The following EIF3M variants were observed in gnomAD, a reference collection of about 807,000 sequenced individuals.
EIF3M encodes eukaryotic translation initiation factor 3 subunit M.
In EIF3M, 25 loss-of-function variants were observed where a neutral mutation model predicts 49.7. The ratio of observed to expected loss-of-function variants is 0.50; its 90% CI spans 0.37 to 0.70. The LOEUF is 0.70. EIF3M is among the 30% of genes least tolerant of loss of function. The probability of loss-of-function intolerance (pLI) is 0.00; values close to 1 mark genes in which losing one functional copy is unlikely to be tolerated. For synonymous variants in EIF3M, 156 were observed against 149.8 expected, an observed-to-expected ratio of 1.04 and a Z score of -0.30; for missense variants, 350 against 440.0, an observed-to-expected ratio of 0.80 and a Z score of 1.83.
rs754977095 is a variant in EIF3M at position 32,595,974 on chromosome 11, C to T, written c.726C>T (p.Thr242=). The T allele has an allele frequency of 1.3e-6, 2 of 1,574,180 alleles. No homozygotes were observed. ...LEGELIHDLL[T]IFVSAKLASY... ...GTCTCTTATCTGTATAGCTTTTAAC[C>T]ATTTTTGTGAGTGCTAAATTGGCAT... The change falls in exon 8 of 11, where the codon ACC becomes ACT. Residue 242 remains threonine (T), a synonymous_variant. Transcript: ENST00000531120.
At chr11:32,591,578 T>A (rs1464280297) in intron 5 of EIF3M, among the ~76,000 whole-genome samples, 2 of 152,214 alleles carry the variant, frequency 1.3e-5, no homozygotes, top group Non-Finnish European at 2.9e-5. Flanking sequence ...AGTGCACTTT[T>A]TGCAACCTGT....
chr11:32,603,037 A>AATT lies in EIF3M; in HGVS notation c.*639_*641dup, dbSNP rs749687080. 9 of 1,559,448 alleles carry AATT rather than the reference A, an allele frequency of 5.8e-6. No homozygotes were observed. The Admixed American group carries it at 1.6e-4, about 28-fold the overall frequency. Reference sequence around the variant, plus strand: ...TGTTTTCACCTGGGAAAGATAAACTAATTTTACCTTCGAAATTATTATACA... The same window carrying AATT: ...TGTTTTCACCTGGGAAAGATAAACTAATTATTTTACCTTCGAAATTATTATACA... On this transcript the variant is annotated 3_prime_UTR_variant, in exon 11 of 11. Transcript: ENST00000531120.
intron 2 of EIF3M, among the ~76,000 whole-genome samples, chr11:32,588,282 G>C (rs987899651): frequency 1.3e-5 from 2 of 151,574 alleles, no homozygotes; most frequent in Admixed American, 1.3e-4. Flanking sequence ...CCAGCTACTT[G>C]GGAGGCTGAG....
intron 5 of EIF3M, 36 bp from the exon 6 acceptor site, chr11:32,593,830 A>G (rs571192054): frequency 2.7e-6 from 4 of 1,454,848 alleles, no homozygotes; most frequent in South Asian, 2.6e-5. Flanking sequence ...AATAGCAGTA[A>G]TGCTTTCAAG....
chr11:32,602,336 T>A lies in EIF3M; in HGVS notation c.1062T>A (p.Leu354=), dbSNP rs766272074. ...AGTGGCAACAACTGTATGACACACT[T>A]AATGCCTGGAAACAAAATCTGAACA... ...KQQWQQLYDT[L]NAWKQNLNKV... Residue 354 remains leucine (L), a synonymous_variant, in exon 11 of 11, where the codon CTT becomes CTA. Transcript: ENST00000531120. The A allele has an allele frequency of 1.4e-5, 23 of 1,612,656 alleles. No homozygotes were observed. Among genetic ancestry groups the A allele is most frequent in the Non-Finnish European group, 1.9e-5 (22 of 1,179,130 alleles).
chr11:32,591,807 A>G, intron 5 of EIF3M: 2 of 222,124 alleles, frequency 9.0e-6, no homozygotes, highest in Non-Finnish European at 1.9e-5. Flanking sequence ...GTGCTACCAT[A>G]TTTACCACCA....
rs959032477 is a variant in EIF3M, at chr11:32,604,398, A to G, written c.*1999A>G. 1 of 152,222 alleles carries G rather than the reference A, an allele frequency of 6.6e-6. No individual in the cohort carries two copies. Among genetic ancestry groups the G allele is most frequent in the East Asian group, 1.9e-4 (1 of 5,196 alleles). The allele number at this position is 152,222 out of a possible 1,614,324, so 9.4% of individuals were successfully genotyped here. A position where few individuals can be genotyped will look rare whatever the true frequency, so the allele number is the denominator to read the frequency against. On this transcript the variant is annotated 3_prime_UTR_variant, in exon 11 of 11. Transcript: ENST00000531120. The stretch of plus-strand genomic sequence containing the variant: ...AGTTCTAGGATTACAGGAGTGAGCC[A>G]TACTGTGTTGTGTTTTAGTTGAAAG...
At chr11:32,589,709 A>G in intron 5 of EIF3M, 68 bp downstream of exon 5, 1 of 1,424,968 alleles carries the variant, frequency 7.0e-7, no homozygotes, top group Admixed American at 1.8e-5. Context: ...TGTTTTTTAA[A>G]GAGAAGTAGG....
At chr11:32,601,500 T>TAA in intron 9 of EIF3M, 5 of 187,784 alleles carry the variant, frequency 2.7e-5, no homozygotes, top group East Asian at 1.3e-4. Context: ...CTAGCATTCT[T>TAA]TAAAAAAAAA....
intron 1 of EIF3M, among the ~76,000 whole-genome samples, chr11:32,584,559 G>C (rs1262896311): frequency 7.8e-6 from 1 of 128,206 alleles, no homozygotes; most frequent in Non-Finnish European, 1.6e-5. Flanking sequence ...AGTGAGCCAA[G>C]ATCGCGCCAC....
At chr11:32,590,997 C>A (rs555524975) in intron 5 of EIF3M, among the ~76,000 whole-genome samples, 1 of 152,206 alleles carries the variant, frequency 6.6e-6, no homozygotes, top group South Asian at 2.1e-4. Context: ...ACCACAGTTG[C>A]CGCCGCCACG....
intron 6 of EIF3M, 90 bp from the exon 7 acceptor site, chr11:32,594,824 C>A: frequency 1.7e-6 from 2 of 1,170,890 alleles, no homozygotes; most frequent in Non-Finnish European, 2.4e-6. Context: ...AGATATTTTG[C>A]CGAATTAAGT....
chr11:32,583,947 G>A lies in EIF3M; in HGVS notation c.42+18G>A. The A allele has an allele frequency of 6.2e-7, 1 of 1,612,124 alleles. No homozygotes were observed. ...AAGATCAGGTGTGCTTCGGTCTACG[G>A]GTGCCGCCACGGTGGGGTGGGGGAT... On this transcript the variant is annotated intron_variant, in intron 1 of 10. Transcript: ENST00000531120.
At chr11:32,588,378 G>A (rs1329834254) in intron 2 of EIF3M, among the ~76,000 whole-genome samples, 2 of 107,762 alleles carry the variant, frequency 1.9e-5, no homozygotes, top group East Asian at 6.4e-4. Flanking sequence ...AAGAGAGCAA[G>A]ACTTCATCTG....
chr11:32,587,851 A>G (rs190971820), intron 2 of EIF3M, among the ~76,000 whole-genome samples: 1 of 152,342 alleles, frequency 6.6e-6, no homozygotes, highest in East Asian at 1.9e-4. Context: ...TCGGCAGCAC[A>G]TATACAAAAA....
In EIF3M at chr11:32,583,913, T is replaced by G; in HGVS notation, c.26T>G (p.Ile9Ser). 1 of 1,613,870 alleles carries G rather than the reference T, an allele frequency of 6.2e-7. No homozygotes were observed. The highest frequency in any genetic ancestry group is 8.5e-7 in the Non-Finnish European group (1 of 1,179,850). ...ATGAGCGTCCCGGCCTTCATCGACA[T>G]CAGTGAAGAAGATCAGGTGTGCTTC... MSVPAFID[I>S]SEEDQAAELR... Residue 9 changes from isoleucine (I) to serine (S), a missense_variant, in exon 1 of 11, where the codon ATC becomes AGC. Ile to Ser is a moderately radical substitution (Grantham distance 142, BLOSUM62 -2). Coordinates refer to ENST00000531120, the MANE Select transcript of EIF3M (RefSeq NM_006360.6).
chr11:32,588,465 G>C, intron 2 of EIF3M, 129 bp from the exon 3 acceptor site: 1 of 966,052 alleles, frequency 1.0e-6, no homozygotes, highest in South Asian at 2.9e-5. Context: ...TATACAAGTT[G>C]CTTTCTGAAT....
chr11:32,594,005 A>G (rs1007960559), intron 6 of EIF3M, 56 bp downstream of exon 6: 5 of 1,207,248 alleles, frequency 4.1e-6, no homozygotes, highest in Admixed American at 2.9e-5. Context: ...GGTAAGCTAC[A>G]ATATTAAATT....
chr11:32,592,638 AT>A, intron 5 of EIF3M: 5 of 510,626 alleles, frequency 9.8e-6, no homozygotes, highest in South Asian at 7.5e-5. Context: ...GGGGTCTCTG[AT>A]TACCACACAA....
Sources: gnomAD v4.1 joint callset for allele counts (sites outside exome capture counted in the v4.1 genomes callset) on GRCh38, gnomAD v4.1.1 for gene constraint, MANE v1.5 for transcripts, NCBI Gene and HGNC (gene_info 2026-07-23, HGNC 2026-07-21) for gene names.